MTUS2: variants seen among roughly 807,000 people sequenced by gnomAD.
MTUS2 encodes the protein microtubule-associated tumor suppressor candidate 2.
In MTUS2, 40 loss-of-function variants were observed where a neutral mutation model predicts 114.1. The observed-to-expected ratio is 0.35, with a 90% CI of 0.27 to 0.46. The LOEUF is 0.46. Among genes scored for constraint, MTUS2 ranks in the 20% least tolerant of loss-of-function variants. The probability of loss-of-function intolerance (pLI) is 1.00; values close to 1 mark genes in which losing one functional copy is unlikely to be tolerated. For missense variants in MTUS2, 1,679 were observed against 1,705.4 expected (o/e 0.98, Z 0.27); for synonymous variants, 688 against 672.0 (o/e 1.02, Z -0.37).
At chr13:29,175,034 G>C (rs150235404) in intron 5 of MTUS2, among the ~76,000 whole-genome samples, 1 of 152,182 alleles carries the variant, frequency 6.6e-6, no homozygotes, top group African/African-American at 2.4e-5. Context: ...TGAATCTAAG[G>C]GGAATATTTA....
At chr13:29,065,581 A>G (rs188764566) in intron 4 of MTUS2, among the ~76,000 whole-genome samples, 15 of 152,172 alleles carry the variant, frequency 9.9e-5, no homozygotes, top group East Asian at 5.8e-4. Flanking sequence ...AAATTTGTCT[A>G]TTTACCTGGG....
chr13:29,023,901 A>G (rs977337046), intron 2 of MTUS2, among the ~76,000 whole-genome samples: 4 of 152,214 alleles, frequency 2.6e-5, no homozygotes, highest in Admixed American at 6.5e-5. Context: ...GTGATGTTAA[A>G]TTTGATCACG....
intron 5 of MTUS2, among the ~76,000 whole-genome samples, chr13:29,278,121 ACAC>A (rs926956631): frequency 6.6e-6 from 1 of 152,196 alleles, no homozygotes; most frequent in Non-Finnish European, 1.5e-5. Context: ...ATAGAAAACA[ACAC>A]CAACAAATTC....
At chr13:29,441,793 A>G (rs142983976) in intron 9 of MTUS2, among the ~76,000 whole-genome samples, 2,156 of 152,250 alleles carry the variant, frequency 0.014, 36 homozygotes, top group South Asian at 0.075. Flanking sequence ...GCACACACAC[A>G]TGCACACATG....
At chr13:29,478,986 A>G (rs996438136) in intron 9 of MTUS2, among the ~76,000 whole-genome samples, 1 of 152,224 alleles carries the variant, frequency 6.6e-6, no homozygotes, top group African/African-American at 2.4e-5. Flanking sequence ...TTTCAGAGCC[A>G]AATGTGGCAA....
intron 5 of MTUS2, among the ~76,000 whole-genome samples, chr13:29,126,705 C>G (rs554373981): frequency 3.9e-5 from 6 of 152,072 alleles, no homozygotes; most frequent in African/African-American, 1.2e-4. Flanking sequence ...ATTCTTCTTT[C>G]AATGTGGCCC....
intron 2 of MTUS2, among the ~76,000 whole-genome samples, chr13:28,920,677 G>A (rs1880992163): frequency 6.6e-6 from 1 of 152,212 alleles, no homozygotes; most frequent in African/African-American, 2.4e-5. Flanking sequence ...TGGGTCCAAA[G>A]ATGCTGCCTG....
rs182245659 is a variant in MTUS2 at position 29,024,166 on chromosome 13, C to T, written c.-242-291C>T. 8.5e-5 allele frequency among the ~76,000 whole-genome samples: 13 copies of T among 152,250 alleles called. No individual in the cohort carries two copies. In the East Asian group the frequency reaches 1.7e-3, roughly 20 times the overall value. On this transcript the variant is annotated intron_variant, in intron 2 of 15. Transcript: ENST00000612955. The stretch of plus-strand genomic sequence containing the variant: ...TGATATTCTTCTGTAAAGAAGAGCC[C>T]TTACTTCTCCTCCATCCTTTTAAAT...
At chr13:29,240,441 A>G (rs746193460) in intron 5 of MTUS2, among the ~76,000 whole-genome samples, 2 of 152,222 alleles carry the variant, frequency 1.3e-5, no homozygotes, top group Non-Finnish European at 2.9e-5. Flanking sequence ...TGCTGTTGTA[A>G]TGATGATGGA....
intron 6 of MTUS2, among the ~76,000 whole-genome samples, chr13:29,324,283 G>A (rs1177193597): frequency 6.6e-6 from 1 of 152,160 alleles, no homozygotes; most frequent in Non-Finnish European, 1.5e-5. Flanking sequence ...CTAAATTGGT[G>A]GCTGAGGATG....
intron 2 of MTUS2, among the ~76,000 whole-genome samples, chr13:28,897,630 T>G (rs1672495513): frequency 6.6e-6 from 1 of 152,078 alleles, no homozygotes; most frequent in African/African-American, 2.4e-5. Context: ...CTATTCACAA[T>G]AGCAAAGACT....
chr13:29,428,748 G>T, intron 8 of MTUS2: 1 of 1,588,622 alleles, frequency 6.3e-7, no homozygotes, highest in Non-Finnish European at 8.6e-7. Context: ...AGCTCCCAGC[G>T]GCGCGCCCCT....
At chr13:29,361,178 C>T (rs529016690) in intron 8 of MTUS2, among the ~76,000 whole-genome samples, 1 of 152,172 alleles carries the variant, frequency 6.6e-6, no homozygotes, top group Admixed American at 6.5e-5. Flanking sequence ...GCATGTGGCT[C>T]TCAAACCAGA....
At chr13:29,234,601 A>C (rs1896460317) in intron 5 of MTUS2, among the ~76,000 whole-genome samples, 1 of 152,208 alleles carries the variant, frequency 6.6e-6, no homozygotes, top group African/African-American at 2.4e-5. Flanking sequence ...CCAATTGTAC[A>C]AACACTTAGA....
At chr13:29,472,169 C>T (rs778561546) in intron 9 of MTUS2, among the ~76,000 whole-genome samples, 1 of 152,148 alleles carries the variant, frequency 6.6e-6, no homozygotes, top group Non-Finnish European at 1.5e-5. Flanking sequence ...GGATTACAGG[C>T]ACGTGCCACC....
At chr13:28,989,846 TG>T (rs1401524807) in intron 2 of MTUS2, among the ~76,000 whole-genome samples, 1 of 106,146 alleles carries the variant, frequency 9.4e-6, no homozygotes. Context: ...TTTTTTGTTT[TG>T]TTTTGTTTTT....
intron 2 of MTUS2, among the ~76,000 whole-genome samples, chr13:28,869,036 C>T (rs952587628): frequency 6.6e-6 from 1 of 152,174 alleles, no homozygotes; most frequent in Admixed American, 6.5e-5. Context: ...CAGAGCATTG[C>T]CAGAAACTTC....
chr13:29,370,339 G>C (rs1215212348), intron 8 of MTUS2, among the ~76,000 whole-genome samples: 1 of 152,194 alleles, frequency 6.6e-6, no homozygotes, highest in Admixed American at 6.5e-5. Flanking sequence ...GTGTGCATCT[G>C]TAGTCACAGC....
intron 4 of MTUS2, among the ~76,000 whole-genome samples, chr13:29,036,424 T>G (rs889118742): frequency 2.0e-5 from 3 of 152,228 alleles, no homozygotes; most frequent in Non-Finnish European, 4.4e-5. Context: ...CTAACCTCCT[T>G]ACAATTATGT....
Sources: allele counts gnomAD v4.1 joint callset (sites outside exome capture counted in the v4.1 genomes callset), GRCh38; gene constraint gnomAD v4.1.1; transcripts MANE v1.5; gene names NCBI Gene and HGNC (gene_info 2026-07-23, HGNC 2026-07-21).